FKBP15: variants seen among roughly 807,000 people sequenced by gnomAD.
FKBP15 encodes FKBP prolyl isomerase family member 15.
FKBP15 carries 106 observed loss-of-function variants against 158.1 expected under a neutral mutation model. That is an observed-to-expected ratio of 0.67 (90% confidence interval 0.57 to 0.79). The LOEUF (loss-of-function observed/expected upper bound fraction) is 0.79. Among genes scored for constraint, FKBP15 ranks in the 30% least tolerant of loss-of-function variants. The pLI is 0.00. For synonymous variants in FKBP15, 547 were observed against 548.6 expected (o/e 1.00, Z 0.04); for missense variants, 1,287 against 1,479.1 (o/e 0.87, Z 2.13).
chr9:113,173,748 T>A, intron 22 of FKBP15, 143 bp from the exon 23 acceptor site: 1 of 805,242 alleles, frequency 1.2e-6, no homozygotes, highest in Non-Finnish European at 1.9e-6. Context: ...AAAGACTCAT[T>A]ACTTTTAAAA....
At chr9:113,170,011 A>C in intron 25 of FKBP15, 69 bp from the exon 26 acceptor site, 1 of 1,451,678 alleles carries the variant, frequency 6.9e-7, no homozygotes, top group Admixed American at 2.6e-5. Flanking sequence ...TCTTATTAAC[A>C]CTACTGGTCA....
chr9:113,161,641 A>T lies in FKBP15; in HGVS notation c.*4437T>A, dbSNP rs569884303. 86 of 1,614,040 alleles carry T rather than the reference A, an allele frequency of 5.3e-5. No individual in the cohort carries two copies. In the African/African-American group the frequency reaches 1.1e-3, roughly 21 times the overall value. On this transcript the variant is annotated 3_prime_UTR_variant, in exon 28 of 28. Coordinates refer to ENST00000238256, the MANE Select transcript of FKBP15 (RefSeq NM_015258.2). ...TCCATCAGCCAGCAGACCATCGCAG[A>T]GACAGACGGGGACTCTGCAGGCTCA...
At chr9:113,177,902 G>A (rs889660550) in intron 20 of FKBP15, among the ~76,000 whole-genome samples, 12 of 152,150 alleles carry the variant, frequency 7.9e-5, no homozygotes, top group African/African-American at 2.7e-4. Flanking sequence ...CTAATATGGA[G>A]GAGAGGACTT....
rs973207448 is a variant in FKBP15 at position 113,182,753 on chromosome 9, C to G, written c.1914+13G>C. The G allele has an allele frequency of 1.2e-6, 2 of 1,609,734 alleles. No homozygotes were observed. Among genetic ancestry groups the G allele is most frequent in the East Asian group, 2.2e-5 (1 of 44,860 alleles). ...CATCCTGACCTGGGCTTTTCTCTCC[C>G]CAGTTGCTTTACCTTCTCTTGTTCA... On this transcript the variant is annotated intron_variant, in intron 19 of 27. Coordinates refer to ENST00000238256, the MANE Select transcript of FKBP15 (RefSeq NM_015258.2).
chr9:113,169,946 T>C lies in FKBP15; in HGVS notation c.2767-4A>G. 6.5e-7 allele frequency: 1 copy of C among 1,533,886 alleles called. No homozygotes were observed. Among genetic ancestry groups the C allele is most frequent in the Non-Finnish European group, 8.8e-7 (1 of 1,142,374 alleles). On this transcript the variant is annotated splice_region_variant and splice_polypyrimidine_tract_variant and intron_variant, in intron 25 of 27. Transcript: ENST00000238256. ...TTAACAGCTGAAGAGTCACCATCTA[T>C]TCAAAAGCCAAGGAAGAGATGGTCA...
rs190235494 is a variant in FKBP15 at position 113,198,937 on chromosome 9, G to A, written c.649-14C>T. On this transcript the variant is annotated splice_polypyrimidine_tract_variant and intron_variant, in intron 7 of 27. Coordinates refer to ENST00000238256, the MANE Select transcript of FKBP15 (RefSeq NM_015258.2). The surrounding 1 kb of genome is among the most constrained non-coding windows in gnomAD (Gnocchi z 5.2). The stretch of plus-strand genomic sequence containing the variant: ...GGAGTCGAAAACCTGCAATTTGATC[G>A]AAGGAAATTAGGCCAGCCAATTTCA... 1.3e-3 allele frequency: 2,026 copies of A among 1,584,940 alleles called. 2 individuals carry two copies. The highest frequency in any genetic ancestry group is 3.3e-3 in the Admixed American group (183 of 56,296).
At position 113,202,616 on chromosome 9, in the gene FKBP15, T is replaced by C. The variant is rs368181190; in HGVS notation, c.413A>G (p.Asn138Ser). 55 of 1,568,434 alleles carry C rather than the reference T, an allele frequency of 3.5e-5. No homozygotes were observed. The highest frequency in any genetic ancestry group is 9.4e-5 in the Admixed American group (5 of 53,438). Residue 138 changes from asparagine (N) to serine (S), a missense_variant, in exon 6 of 28, where the codon AAC (asparagine) becomes AGC (serine). Coordinates refer to ENST00000238256, the MANE Select transcript of FKBP15 (RefSeq NM_015258.2). ...VNFELMVRPN[N>S]YSTFYDDQRQ... ...CTGGTCATCATAAAAGGTGCTATAG[T>C]TATTGGGCCGAACCTGGAGAAAGGA...
intron 2 of FKBP15, among the ~76,000 whole-genome samples, chr9:113,209,734 A>G (rs1030659173): frequency 6.6e-6 from 1 of 152,224 alleles, no homozygotes; most frequent in African/African-American, 2.4e-5. Flanking sequence ...CTACACAACA[A>G]AAGTAACTTT....
At chr9:113,207,347 A>ATTTTTTTTT in intron 2 of FKBP15, 51 bp from the exon 3 acceptor site, 3 of 1,407,312 alleles carry the variant, frequency 2.1e-6, no homozygotes, top group Non-Finnish European at 9.9e-7. Flanking sequence ...GCTTTAAACT[A>ATTTTTTTTT]ATTTTTTTTA....
At position 113,173,549 on chromosome 9, in the gene FKBP15, C is replaced by G; in HGVS notation, c.2436G>C (p.Leu812Phe). The G allele has an allele frequency of 6.2e-7, 1 of 1,614,004 alleles. No individual in the cohort carries two copies. The highest frequency in any genetic ancestry group is 8.5e-7 in the Non-Finnish European group (1 of 1,179,890). The change falls in exon 23 of 28, where the codon TTG becomes TTC. Residue 812 changes from leucine (L) to phenylalanine (F), a missense_variant. Transcript: ENST00000238256. ...QTQWEAKCEH[L>F]LASAKDEHLQ... is the part of the protein sequence containing the mutation. ...GGTGCTCATCCTTGGCGGAGGCCAA[C>G]AAATGTTCACATTTTGCTTCCCACT...
intron 1 of FKBP15, among the ~76,000 whole-genome samples, chr9:113,218,316 T>C (rs1169389922): frequency 6.6e-6 from 1 of 150,514 alleles, no homozygotes; most frequent in Non-Finnish European, 1.5e-5. Flanking sequence ...TCTCTGAGCC[T>C]TTCCCATTTG....
intron 1 of FKBP15, among the ~76,000 whole-genome samples, chr9:113,212,001 A>C (rs1284518329): frequency 6.6e-6 from 1 of 151,126 alleles, no homozygotes; most frequent in Non-Finnish European, 1.5e-5. Context: ...CTTACTGACT[A>C]CTCCCCCTCC....
chr9:113,182,822 G>A lies in FKBP15; in HGVS notation c.1858C>T (p.Leu620Phe). The A allele has an allele frequency of 6.2e-7, 1 of 1,613,846 alleles. No homozygotes were observed. Among genetic ancestry groups the A allele is most frequent in the Non-Finnish European group, 8.5e-7 (1 of 1,179,796 alleles). Residue 620 changes from leucine to phenylalanine, a missense_variant, in exon 19 of 28, where the codon CTT becomes TTT. By Grantham distance (22) the Leu-to-Phe change is conservative (BLOSUM62 0). Transcript: ENST00000238256. ...NLMMEKRNNS[L>F]QTATENTQAR... is the part of the protein sequence containing the mutation. The stretch of plus-strand genomic sequence containing the variant: ...TGTGTGTTTTCTGTGGCTGTCTGAA[G>A]TGAGTTGTTCCTCTTCTCCATCATC...
Position 113,202,553 on chromosome 9 carries a change from G to A in FKBP15, c.476C>T (p.Ala159Val). ...NWSIMFESEKAAVEFNKQVCI... is the reference protein window; with the variant it reads ...NWSIMFESEKVAVEFNKQVCI... ...CACCTGCTTATTGAACTCCACAGCA[G>A]CCTTTTCCGACTCAAACATGATGGA... is the stretch of plus-strand genomic sequence containing the variant. Residue 159 changes from alanine to valine, a missense_variant, in exon 6 of 28, where the codon GCT becomes GTT. Transcript: ENST00000238256. The A allele has an allele frequency of 6.3e-7, 1 of 1,582,574 alleles. No homozygotes were observed. Among genetic ancestry groups the A allele is most frequent in the Non-Finnish European group, 8.6e-7 (1 of 1,163,048 alleles).
chr9:113,179,239 T>C (rs1830348996), intron 19 of FKBP15, among the ~76,000 whole-genome samples: 1 of 152,146 alleles, frequency 6.6e-6, no homozygotes. Flanking sequence ...ATTTCCTTAT[T>C]ATCATTTGTC....
intron 1 of FKBP15, among the ~76,000 whole-genome samples, chr9:113,217,616 A>C (rs1831165778): frequency 6.6e-6 from 1 of 152,166 alleles, no homozygotes; most frequent in Admixed American, 6.6e-5. Context: ...CTGAGACAGG[A>C]GGACTGCTTG....
chr9:113,182,699 T>C (rs1830419870), intron 19 of FKBP15, 67 bp downstream of exon 19: 6 of 1,270,930 alleles, frequency 4.7e-6, no homozygotes, highest in Non-Finnish European at 6.9e-6. Context: ...CTGGTGAGTA[T>C]GTACATGGGA....
At chr9:113,207,347 A>ATTTTTTTT in intron 2 of FKBP15, 51 bp from the exon 3 acceptor site, 3 of 1,407,318 alleles carry the variant, frequency 2.1e-6, no homozygotes, top group Non-Finnish European at 3.0e-6. Context: ...GCTTTAAACT[A>ATTTTTTTT]ATTTTTTTTA....
Position 113,170,764 on chromosome 9 carries a change from G to A in FKBP15, c.2659-135C>T. On this transcript the variant is annotated intron_variant, in intron 24 of 27. Coordinates refer to ENST00000238256, the MANE Select transcript of FKBP15 (RefSeq NM_015258.2). ...TGGGATACTGCTGGTCATAAGCAGA[G>A]ACACTGAAGGCTGTCACTGTGGAGA... 8.6e-6 allele frequency: 6 copies of A among 699,888 alleles called. No homozygotes were observed. The South Asian group carries it at 9.4e-5, about 11-fold the overall frequency. 43.4% of individuals were successfully genotyped at this position (699,888 alleles called of 1,614,324 possible).
Sources: allele counts gnomAD v4.1 joint callset (sites outside exome capture counted in the v4.1 genomes callset), GRCh38; gene constraint gnomAD v4.1.1; non-coding constraint Gnocchi (gnomAD v3.1); transcripts MANE v1.5; gene names NCBI Gene and HGNC (gene_info 2026-07-23, HGNC 2026-07-21).